Variants in ABCC9 observed in about 807,000 individuals in gnomAD.
ABCC9 encodes the protein ATP binding cassette subfamily C member 9.
A neutral mutation model predicts 188.3 loss-of-function variants in ABCC9; 95 were observed. That is an observed-to-expected ratio of 0.50 (90% CI 0.43 to 0.60). The LOEUF is 0.60. ABCC9 is among the 20% of genes least tolerant of loss of function. The pLI is 0.00. For synonymous variants in ABCC9, 659 were observed against 652.7 expected (o/e 1.01, Z -0.15); for missense variants, 1,102 against 1,876.3 (o/e 0.59, Z 7.62).
chr12:21,915,259 G>GTA (rs1565480384), intron 7 of ABCC9, among the ~76,000 whole-genome samples: 22 of 110,966 alleles, frequency 2.0e-4, no homozygotes, highest in East Asian at 1.5e-3. Flanking sequence ...GTGTGTGTGT[G>GTA]TGTATATAAT....
chr12:21,933,785 T>A lies in ABCC9; in HGVS notation c.281A>T (p.Asp94Val). The change falls in exon 4 of 40, where the codon GAC becomes GTC. Residue 94 changes from aspartate (D) to valine (V), a missense_variant. Asp to Val is a radical substitution (Grantham distance 152, BLOSUM62 -3). This residue lies in a region of ABCC9 where 305 missense variants were observed against 573.0 expected (regional missense o/e 0.53). Coordinates refer to ENST00000261200, the MANE Select transcript of ABCC9 (RefSeq NM_020297.4). ...TTATTTAACTTAGATCACTTACGAGTCTGAAACAATGCCTTCTGCTATTTC... is the reference window on the plus strand; with the variant it reads ...TTATTTAACTTAGATCACTTACGAGACTGAAACAATGCCTTCTGCTATTTC... ...VCEIAEGIVS[D>V]SRRESRHLHL... The A allele has an allele frequency of 6.2e-7, 1 of 1,613,406 alleles. No homozygotes were observed. The highest frequency in any genetic ancestry group is 1.3e-5 in the African/African-American group (1 of 74,974).
chr12:21,915,265 A>AATGTG (rs1565480441), intron 7 of ABCC9, among the ~76,000 whole-genome samples: 69 of 99,372 alleles, frequency 6.9e-4, no homozygotes, highest in South Asian at 1.2e-3. Context: ...GTGTGTGTAT[A>AATGTG]TAATGTGTAT....
chr12:21,925,554 C>A lies in ABCC9; in HGVS notation c.406+388G>T, dbSNP rs1004180342. 1.3e-5 allele frequency: 9 copies of A among 701,898 alleles called. No homozygotes were observed. In the East Asian group the frequency reaches 1.9e-4, roughly 15 times the overall value. 43.5% of individuals were successfully genotyped at this position (701,898 alleles called of 1,614,324 possible). On this transcript the variant is annotated intron_variant, in intron 5 of 39. Coordinates refer to ENST00000261200, the MANE Select transcript of ABCC9 (RefSeq NM_020297.4). ...GACTCCAAGCCAGAGACAGAAACAC[C>A]TGGAACTAGAGGAGATGACTTGTTC...
Position 21,912,728 on chromosome 12 carries a change from T to C in ABCC9, c.1011+144A>G, listed in dbSNP as rs978264012. 3 of 807,980 alleles carry C rather than the reference T, an allele frequency of 3.7e-6. No individual in the cohort carries two copies. The African/African-American group carries it at 5.3e-5, about 14-fold the overall frequency. The allele number at this position is 807,980 out of a possible 1,614,324, so 50.1% of individuals were successfully genotyped here. A position where few individuals can be genotyped will look rare whatever the true frequency, so the allele number is the denominator to read the frequency against. On this transcript the variant is annotated intron_variant, in intron 8 of 39. Transcript: ENST00000261200. ...CGTGATTTTTTTCTAAAAGGAAAAT[T>C]ACTGTTTTCTTTCTTTTAGAAAGCA...
intron 11 of ABCC9, 69 bp from the exon 12 acceptor site, chr12:21,906,357 T>G (rs1015810507): frequency 8.0e-6 from 12 of 1,496,168 alleles, no homozygotes; most frequent in Non-Finnish European, 1.1e-5. Context: ...AACCATGTAA[T>G]GGACAGGGAT....
chr12:21,856,092 AC>A (rs1242640568), intron 22 of ABCC9, among the ~76,000 whole-genome samples: 1 of 152,204 alleles, frequency 6.6e-6, no homozygotes, highest in Non-Finnish European at 1.5e-5. Context: ...TGTATAAAGT[AC>A]TTAGAATCAT....
intron 16 of ABCC9, among the ~76,000 whole-genome samples, chr12:21,876,686 G>T (rs572393101): frequency 6.6e-6 from 1 of 152,106 alleles, no homozygotes; most frequent in Non-Finnish European, 1.5e-5. Context: ...GGAATTAGAA[G>T]GATGAAGTAG....
At chr12:21,819,138 C>T (rs182918659) in intron 31 of ABCC9, among the ~76,000 whole-genome samples, 1 of 152,030 alleles carries the variant, frequency 6.6e-6, no homozygotes, top group African/African-American at 2.4e-5. Flanking sequence ...TCTCATTTCC[C>T]AGCGTTCTTA....
At chr12:21,904,687 A>G (rs1442272572) in intron 12 of ABCC9, among the ~76,000 whole-genome samples, 1 of 152,274 alleles carries the variant, frequency 6.6e-6, no homozygotes, top group African/African-American at 2.4e-5. Context: ...AATGCTCATC[A>G]TCACTGGCCA....
intron 30 of ABCC9, among the ~76,000 whole-genome samples, chr12:21,836,435 A>C (rs560067007): frequency 6.6e-6 from 1 of 152,134 alleles, no homozygotes; most frequent in Admixed American, 6.6e-5. Context: ...TAAAATAGAA[A>C]TCTTTATATT....
At chr12:21,817,144 AAAAT>A in intron 33 of ABCC9, 39 bp downstream of exon 33, 1 of 1,596,858 alleles carries the variant, frequency 6.3e-7, no homozygotes, top group Non-Finnish European at 8.6e-7. Flanking sequence ...ATATTTGTTT[AAAAT>A]AAATATTTAA....
intron 2 of ABCC9, among the ~76,000 whole-genome samples, chr12:21,937,599 T>A (rs1016338470): frequency 1.3e-5 from 2 of 152,176 alleles, no homozygotes; most frequent in African/African-American, 4.8e-5. Flanking sequence ...TGAGCAAAGG[T>A]CTGCTCCATG....
intron 22 of ABCC9, among the ~76,000 whole-genome samples, chr12:21,857,709 G>A (rs1421040289): frequency 2.6e-5 from 4 of 152,160 alleles, no homozygotes; most frequent in Non-Finnish European, 5.9e-5. Flanking sequence ...GAGACATCAT[G>A]TTGCTGGCTT....
At chr12:21,848,327 A>G (rs1944788971) in intron 24 of ABCC9, 81 bp from the exon 25 acceptor site, 32 of 1,236,028 alleles carry the variant, frequency 2.6e-5, no homozygotes, top group Non-Finnish European at 3.8e-5. Context: ...ACACGTGTAA[A>G]TGGTTAGTTA....
chr12:21,820,516 A>C (rs1591979527), intron 31 of ABCC9, among the ~76,000 whole-genome samples: 1 of 152,070 alleles, frequency 6.6e-6, no homozygotes, highest in East Asian at 1.9e-4. Context: ...ATATATATAT[A>C]TAAAACCTTA....
intron 31 of ABCC9, among the ~76,000 whole-genome samples, chr12:21,826,681 C>G (rs918955432): frequency 6.6e-6 from 1 of 151,978 alleles, no homozygotes; most frequent in Non-Finnish European, 1.5e-5. Context: ...TGCATGTGTG[C>G]GTGTGTACAC....
At chr12:21,842,655 A>G (rs1024992531) in intron 28 of ABCC9, among the ~76,000 whole-genome samples, 184 bp from the exon 29 acceptor site, 5 of 152,212 alleles carry the variant, frequency 3.3e-5, no homozygotes, top group African/African-American at 1.2e-4. Flanking sequence ...CTATTTATCT[A>G]TCAACATGTC....
intron 35 of ABCC9, 39 bp downstream of exon 35, chr12:21,814,605 C>G (rs201129154): frequency 2.6e-6 from 4 of 1,527,990 alleles, no homozygotes; most frequent in Non-Finnish European, 3.6e-6. Context: ...TAAAGGAAAG[C>G]ACCAAGTGGC....
Position 21,815,611 on chromosome 12 carries a change from T to A in ABCC9, c.4023+152A>T, listed in dbSNP as rs1942558895. On this transcript the variant is annotated intron_variant, in intron 34 of 39. Coordinates refer to ENST00000261200, the MANE Select transcript of ABCC9 (RefSeq NM_020297.4). ...ACATGTACTGTAGTCTGATCCTATC[T>A]CTCCCTTTTTTCTTTTATGCAGATA... is the stretch of plus-strand genomic sequence containing the variant. The A allele has an allele frequency of 7.1e-6, 6 of 840,668 alleles. No individual in the cohort carries two copies. The South Asian group carries it at 9.1e-5, about 13-fold the overall frequency. The allele number at this position is 840,668 out of a possible 1,614,324, so 52.1% of individuals were successfully genotyped here. A position where few individuals can be genotyped will look rare whatever the true frequency, so the allele number is the denominator to read the frequency against.
Sources: allele counts gnomAD v4.1 joint callset (sites outside exome capture counted in the v4.1 genomes callset), GRCh38; gene constraint gnomAD v4.1.1; regional missense constraint gnomAD v4.1.1; transcripts MANE v1.5; gene names NCBI Gene and HGNC (gene_info 2026-07-23, HGNC 2026-07-21).